MIPOL1: variants seen among roughly 807,000 people sequenced by gnomAD.
The protein encoded by MIPOL1 is mirror-image polydactyly 1.
A neutral mutation model predicts 60.9 loss-of-function variants in MIPOL1; 57 were observed. The ratio of observed to expected loss-of-function variants is 0.94; its 90% CI spans 0.76 to 1.17. The LOEUF (loss-of-function observed/expected upper bound fraction) is 1.17. Ranked by LOEUF, MIPOL1 falls within the 50% of genes most tolerant of loss-of-function variation. The probability of loss-of-function intolerance (pLI) is 0.00; values close to 1 mark genes in which losing one functional copy is unlikely to be tolerated. For missense variants in MIPOL1, 551 were observed against 511.6 expected (o/e 1.08, Z -0.74); for synonymous variants, 179 against 168.8 (o/e 1.06, Z -0.47).
chr14:37,418,648 T>C (rs2093814810), intron 10 of MIPOL1, among the ~76,000 whole-genome samples: 1 of 152,132 alleles, frequency 6.6e-6, no homozygotes, highest in South Asian at 2.1e-4. Context: ...TTGAGTTCAC[T>C]AGCTCTGTTA....
intron 9 of MIPOL1, among the ~76,000 whole-genome samples, chr14:37,323,881 G>C (rs2088875405): frequency 6.6e-6 from 1 of 151,840 alleles, no homozygotes; most frequent in Non-Finnish European, 1.5e-5. Flanking sequence ...AGATATTTGT[G>C]ATATTTTCCT....
intron 12 of MIPOL1, chr14:37,506,296 A>T (rs936243112): frequency 7.2e-5 from 11 of 152,200 alleles, no homozygotes; most frequent in African/African-American, 2.4e-4. Context: ...AGCCAAGACA[A>T]TCCTAAGCAA....
chr14:37,537,557 T>A (rs1364013975), intron 12 of MIPOL1, among the ~76,000 whole-genome samples: 1 of 152,186 alleles, frequency 6.6e-6, no homozygotes, highest in African/African-American at 2.4e-5. Flanking sequence ...ACAAATGTTT[T>A]AGTCTCAAAA....
chr14:37,234,886 C>T (rs1472071720), intron 1 of MIPOL1, among the ~76,000 whole-genome samples: 5 of 151,992 alleles, frequency 3.3e-5, no homozygotes, highest in African/African-American at 1.2e-4. Flanking sequence ...GGCCATTCTC[C>T]TGCCTCAGCC....
intron 1 of MIPOL1, among the ~76,000 whole-genome samples, chr14:37,212,831 T>G (rs1442821894): frequency 6.6e-6 from 1 of 152,162 alleles, no homozygotes; most frequent in Admixed American, 6.5e-5. Context: ...ACAGGGATAC[T>G]TATGTCACTT....
intron 11 of MIPOL1, among the ~76,000 whole-genome samples, chr14:37,435,508 T>G (rs1464882166): frequency 6.6e-6 from 1 of 152,186 alleles, no homozygotes; most frequent in African/African-American, 2.4e-5. Context: ...TGGATTGTCC[T>G]TTAGGATTTT....
chr14:37,260,423 T>C (rs1444287267), intron 3 of MIPOL1, among the ~76,000 whole-genome samples: 1 of 152,128 alleles, frequency 6.6e-6, no homozygotes, highest in Non-Finnish European at 1.5e-5. Flanking sequence ...CTGTGAACTG[T>C]AGAAACCACA....
intron 9 of MIPOL1, among the ~76,000 whole-genome samples, chr14:37,360,224 G>A (rs1038495432): frequency 1.3e-5 from 2 of 152,100 alleles, no homozygotes; most frequent in Non-Finnish European, 2.9e-5. Context: ...CGGTTTGCCA[G>A]TATTTTATTG....
chr14:37,501,109 A>G (rs545644532), intron 12 of MIPOL1, among the ~76,000 whole-genome samples: 4 of 152,322 alleles, frequency 2.6e-5, no homozygotes, highest in African/African-American at 7.2e-5. Flanking sequence ...GTTTTAAATT[A>G]GACCATTTTA....
chr14:37,484,304 C>T (rs1857976591), intron 11 of MIPOL1, among the ~76,000 whole-genome samples: 1 of 150,648 alleles, frequency 6.6e-6, no homozygotes, highest in South Asian at 2.1e-4. Flanking sequence ...TTCCATTTCT[C>T]CTTCCATGAC....
At chr14:37,351,933 C>T (rs1248248359) in intron 9 of MIPOL1, among the ~76,000 whole-genome samples, 2 of 150,568 alleles carry the variant, frequency 1.3e-5, no homozygotes, top group Non-Finnish European at 3.0e-5. Context: ...TCAATTTTGT[C>T]TTTTGTTGCC....
chr14:37,545,749 A>G (rs919621837), intron 12 of MIPOL1: 6 of 589,802 alleles, frequency 1.0e-5, no homozygotes, highest in Non-Finnish European at 1.5e-5. Context: ...TCCTCAGTGG[A>G]ACTTCCAAAT....
intron 6 of MIPOL1, among the ~76,000 whole-genome samples, chr14:37,280,977 A>G (rs1264987479): frequency 6.6e-6 from 1 of 152,074 alleles, no homozygotes; most frequent in Non-Finnish European, 1.5e-5. Flanking sequence ...TTGTCTCATT[A>G]TTGTTTTCTT....
chr14:37,473,935 C>T (rs1282780313), intron 11 of MIPOL1, among the ~76,000 whole-genome samples: 2 of 152,092 alleles, frequency 1.3e-5, no homozygotes, highest in African/African-American at 4.8e-5. Context: ...GTCTCCCTTC[C>T]TCTGAATCCC....
At chr14:37,218,374 G>C (rs2139448432) in intron 1 of MIPOL1, among the ~76,000 whole-genome samples, 1 of 151,632 alleles carries the variant, frequency 6.6e-6, no homozygotes, top group Middle Eastern at 3.4e-3. Context: ...TTTTAATAGA[G>C]GTGGGGTTTC....
chr14:37,539,038 T>C (rs904583541), intron 12 of MIPOL1, among the ~76,000 whole-genome samples: 3 of 151,896 alleles, frequency 2.0e-5, no homozygotes, highest in Non-Finnish European at 2.9e-5. Flanking sequence ...CCGTCTCTAC[T>C]AAAAATACAA....
At chr14:37,342,989 A>AT (rs1387350413) in intron 9 of MIPOL1, among the ~76,000 whole-genome samples, 5 of 149,826 alleles carry the variant, frequency 3.3e-5, no homozygotes, top group African/African-American at 1.2e-4. Context: ...ATGTAGTTAA[A>AT]ATATATATTT....
intron 11 of MIPOL1, among the ~76,000 whole-genome samples, chr14:37,478,812 T>C (rs2094817511): frequency 6.6e-6 from 1 of 152,036 alleles, no homozygotes; most frequent in Non-Finnish European, 1.5e-5. Flanking sequence ...GAAATTATAA[T>C]AATGATAGAG....
At chr14:37,262,167 T>C (rs2082557493) in intron 3 of MIPOL1, among the ~76,000 whole-genome samples, 1 of 152,046 alleles carries the variant, frequency 6.6e-6, no homozygotes, top group Admixed American at 6.6e-5. Flanking sequence ...GTTGGACATA[T>C]TTAGTAATGG....
Sources: gnomAD v4.1 joint callset for allele counts (sites outside exome capture counted in the v4.1 genomes callset) on GRCh38, gnomAD v4.1.1 for gene constraint, MANE v1.5 for transcripts, NCBI Gene and HGNC (gene_info 2026-07-23, HGNC 2026-07-21) for gene names.